ERBB4: variants seen among roughly 807,000 people sequenced by gnomAD.
ERBB4 encodes the protein erb-b2 receptor tyrosine kinase 4, also known as receptor tyrosine-protein kinase erbB-4.
ERBB4 carries 42 observed loss-of-function variants against 158.0 expected under a neutral mutation model. That is an observed-to-expected ratio of 0.27 (90% CI 0.21 to 0.34). The LOEUF (loss-of-function observed/expected upper bound fraction) is 0.34, where lower values mean the gene tolerates loss of function less well. Ranked by LOEUF, ERBB4 falls within the 10% of genes least tolerant of loss-of-function variation. The probability of loss-of-function intolerance (pLI) is 1.00; values close to 1 mark genes in which losing one functional copy is unlikely to be tolerated. For synonymous variants in ERBB4, 583 were observed against 558.7 expected, an observed-to-expected ratio of 1.04 and a Z score of -0.61; for missense variants, 1,333 against 1,624.1, an observed-to-expected ratio of 0.82 and a Z score of 3.08.
At chr2:211,442,387 T>TATCCATCC (rs10593679) in intron 20 of ERBB4, among the ~76,000 whole-genome samples, 1 of 150,938 alleles carries the variant, frequency 6.6e-6, no homozygotes, top group Non-Finnish European at 1.5e-5. Context: ...GACAGGTATC[T>TATCCATCC]ATCCATCCAT....
chr2:211,580,862 TATACATATATATA>T (rs2068070969), intron 19 of ERBB4, among the ~76,000 whole-genome samples: 1 of 4,910 alleles, frequency 2.0e-4, no homozygotes, highest in African/African-American at 2.6e-4. Context: ...ATAGTATGCA[TATACATATATATA>T]TATATATATA....
rs534498916 is a variant in ERBB4 at position 212,128,078 on chromosome 2, C to A, written c.83-3175G>T. ...TCTCCAGGGTCCTATCAGCTTATAA[C>A]CTCCATGCTACACTTCCATTGCTTC... On this transcript the variant is annotated intron_variant, in intron 1 of 27. Coordinates refer to ENST00000342788, the MANE Select transcript of ERBB4 (RefSeq NM_005235.3). Among the ~76,000 whole-genome samples, 4 of 152,320 alleles carry A rather than the reference C, an allele frequency of 2.6e-5. No homozygotes were observed. The East Asian group carries it at 7.7e-4, about 29-fold the overall frequency.
intron 20 of ERBB4, among the ~76,000 whole-genome samples, chr2:211,460,161 G>T (rs935120912): frequency 1.3e-5 from 2 of 151,568 alleles, no homozygotes; most frequent in African/African-American, 2.4e-5. Context: ...TAATTACTTT[G>T]CAAAATTTAA....
chr2:212,164,492 A>G (rs2081291021), intron 1 of ERBB4, among the ~76,000 whole-genome samples: 1 of 152,050 alleles, frequency 6.6e-6, no homozygotes, highest in South Asian at 2.1e-4. Context: ...GGCAAAAATA[A>G]TTTTATATTT....
intron 25 of ERBB4, among the ~76,000 whole-genome samples, chr2:211,393,243 T>C (rs2062840529): frequency 6.6e-6 from 1 of 152,210 alleles, no homozygotes. Flanking sequence ...GAAACTAATA[T>C]ATATTATGTA....
chr2:211,615,872 G>A (rs748495949), intron 19 of ERBB4, among the ~76,000 whole-genome samples: 4 of 152,072 alleles, frequency 2.6e-5, no homozygotes, highest in Admixed American at 1.3e-4. Flanking sequence ...TAAAGTTAGA[G>A]TGGAGAAAAG....
chr2:211,605,103 A>G (rs1015722739), intron 19 of ERBB4, among the ~76,000 whole-genome samples: 16 of 152,278 alleles, frequency 1.1e-4, no homozygotes, highest in African/African-American at 3.6e-4. Flanking sequence ...TATTCAACAC[A>G]CTTGGATCAC....
At chr2:211,972,234 C>G (rs948871227) in intron 2 of ERBB4, among the ~76,000 whole-genome samples, 1 of 152,150 alleles carries the variant, frequency 6.6e-6, no homozygotes, top group African/African-American at 2.4e-5. Context: ...CTACAAACCC[C>G]TGCTCAAAGA....
intron 1 of ERBB4, among the ~76,000 whole-genome samples, chr2:212,444,074 C>T (rs926113306): frequency 6.6e-6 from 1 of 152,140 alleles, no homozygotes; most frequent in Non-Finnish European, 1.5e-5. Context: ...GAGGAAGTGG[C>T]TCAAATGCCC....
intron 7 of ERBB4, among the ~76,000 whole-genome samples, chr2:211,721,620 C>CAAATATATATATATATATATAT (rs2074096882): frequency 7.6e-6 from 1 of 131,904 alleles, no homozygotes; most frequent in Non-Finnish European, 1.6e-5. Context: ...TGCTATTAAA[C>CAAATATATATATATATATATAT]ATATATATAT....
intron 1 of ERBB4, among the ~76,000 whole-genome samples, chr2:212,343,400 T>C (rs1218617729): frequency 6.6e-6 from 1 of 152,186 alleles, no homozygotes; most frequent in Non-Finnish European, 1.5e-5. Context: ...CTAATTTTGT[T>C]CAGTCATTTT....
In ERBB4 at chr2:211,484,477, T is replaced by C. The variant is rs529592558; in HGVS notation, c.2488-53377A>G. On this transcript the variant is annotated intron_variant, in intron 20 of 27. Coordinates refer to ENST00000342788, the MANE Select transcript of ERBB4 (RefSeq NM_005235.3). ...GCCTACAAGAAACCCAATTTAAACA[T>C]AAAAACACAAATAATTTAAAAGTAA... is the stretch of plus-strand genomic sequence containing the variant. 2.6e-5 allele frequency among the ~76,000 whole-genome samples: 4 copies of C among 151,940 alleles called. No homozygotes were observed. In the East Asian group the frequency reaches 7.7e-4, roughly 29 times the overall value.
Position 211,489,951 on chromosome 2 carries a change from T to C in ERBB4, c.2488-58851A>G, listed in dbSNP as rs115502783. The stretch of plus-strand genomic sequence containing the variant: ...GAAAATAGAAGCTATCTGGCTACTA[T>C]AGCTTGAATGTGTCTCCTCTAAAAT... On this transcript the variant is annotated intron_variant, in intron 20 of 27. Coordinates refer to ENST00000342788, the MANE Select transcript of ERBB4 (RefSeq NM_005235.3). 7.1e-3 allele frequency among the ~76,000 whole-genome samples: 1,075 copies of C among 152,150 alleles called. 17 individuals carry two copies. The highest frequency in any genetic ancestry group is 0.025 in the African/African-American group (1,023 of 41,542).
At chr2:212,016,526 G>A (rs2076533339) in intron 2 of ERBB4, among the ~76,000 whole-genome samples, 1 of 151,906 alleles carries the variant, frequency 6.6e-6, no homozygotes. Flanking sequence ...AAAAAATCTA[G>A]TATGAAATAT....
At chr2:212,266,440 T>C (rs540815359) in intron 1 of ERBB4, among the ~76,000 whole-genome samples, 17 of 152,086 alleles carry the variant, frequency 1.1e-4, no homozygotes, top group South Asian at 4.2e-4. Flanking sequence ...TCAGGGTAAC[T>C]TGATGGTTCT....
chr2:211,832,578 GTA>G (rs917936783), intron 3 of ERBB4, among the ~76,000 whole-genome samples: 15 of 136,396 alleles, frequency 1.1e-4, no homozygotes, highest in African/African-American at 3.2e-4. Flanking sequence ...ATGTGTGTGT[GTA>G]TATATATATA....
chr2:211,508,091 A>G (rs1345038463), intron 20 of ERBB4, among the ~76,000 whole-genome samples: 1 of 152,164 alleles, frequency 6.6e-6, no homozygotes, highest in African/African-American at 2.4e-5. Flanking sequence ...CTTCATGACT[A>G]AAACACAAAA....
rs76146426 is a variant in ERBB4 at position 212,203,451 on chromosome 2, G to T, written c.83-78548C>A. 9.2e-3 allele frequency among the ~76,000 whole-genome samples: 1,406 copies of T among 152,222 alleles called. 15 individuals carry two copies. Among genetic ancestry groups the T allele is most frequent in the African/African-American group, 0.031 (1,292 of 41,520 alleles). On this transcript the variant is annotated intron_variant, in intron 1 of 27. Coordinates refer to ENST00000342788, the MANE Select transcript of ERBB4 (RefSeq NM_005235.3). ...GAGATGAGCTCAAGACACAATGAAG[G>T]CCCAGGTCACGTAGAAACTTTCAGG...
intron 1 of ERBB4, among the ~76,000 whole-genome samples, chr2:212,161,231 C>A (rs543963192): frequency 6.6e-6 from 1 of 151,848 alleles, no homozygotes; most frequent in African/African-American, 2.4e-5. Context: ...ACTCATCTAT[C>A]CTCATATTTA....
Sources: gnomAD v4.1 joint callset for allele counts (sites outside exome capture counted in the v4.1 genomes callset) on GRCh38, gnomAD v4.1.1 for gene constraint, MANE v1.5 for transcripts, NCBI Gene and HGNC (gene_info 2026-07-23, HGNC 2026-07-21) for gene names.